ERCC3: variants seen among roughly 807,000 people sequenced by gnomAD.
The protein encoded by ERCC3 is general transcription and DNA repair factor IIH helicase/translocase subunit XPB.
ERCC3 carries 66 observed loss-of-function variants against 94.2 expected under a neutral mutation model. The observed-to-expected ratio is 0.70, with a 90% confidence interval of 0.57 to 0.86. ERCC3 has a LOEUF of 0.86. ERCC3 is among the 40% of genes least tolerant of loss of function. The pLI, the probability that ERCC3 is intolerant of heterozygous loss-of-function variation, is 0.00. For missense variants in ERCC3, 829 were observed against 987.1 expected (o/e 0.84, Z 2.15); for synonymous variants, 349 against 369.1 (o/e 0.95, Z 0.63).
At position 127,280,842 on chromosome 2, in the gene ERCC3, T is replaced by G; in HGVS notation, c.1343-211A>C. The stretch of plus-strand genomic sequence containing the variant: ...GCACCCAGCCTACACTGTCACTTTT[T>G]CAAATGCTCATAGCTGTGCAACTTA... On this transcript the variant is annotated intron_variant, in intron 8 of 14. Coordinates refer to ENST00000285398, the MANE Select transcript of ERCC3 (RefSeq NM_000122.2). The surrounding 1 kb of genome is among the most constrained non-coding windows in gnomAD (Gnocchi z 6.3). 1 of 591,856 alleles carries G rather than the reference T, an allele frequency of 1.7e-6. No homozygotes were observed. Among genetic ancestry groups the G allele is most frequent in the East Asian group, 2.8e-5 (1 of 35,964 alleles). 36.7% of individuals were successfully genotyped at this position (591,856 alleles called of 1,614,324 possible).
chr2:127,280,316 G>A lies in ERCC3; in HGVS notation c.1527+131C>T, dbSNP rs1339266004. 1 of 819,506 alleles carries A rather than the reference G, an allele frequency of 1.2e-6. No individual in the cohort carries two copies. Among genetic ancestry groups the A allele is most frequent in the Non-Finnish European group, 2.1e-6 (1 of 482,830 alleles). The allele number at this position is 819,506 out of a possible 1,614,324, so 50.8% of individuals were successfully genotyped here. A position where few individuals can be genotyped will look rare whatever the true frequency, so the allele number is the denominator to read the frequency against. Reference sequence around the variant, plus strand: ...ACCACCCAACCACAGGGTGACTGAGGATCCTGTATGAAGTGGTAGCAGGTG... The same window carrying A: ...ACCACCCAACCACAGGGTGACTGAGAATCCTGTATGAAGTGGTAGCAGGTG... On this transcript the variant is annotated intron_variant, in intron 9 of 14. Coordinates refer to ENST00000285398, the MANE Select transcript of ERCC3 (RefSeq NM_000122.2). This position sits in a 1 kb window ranked among gnomAD's most constrained non-coding sequence, Gnocchi z 6.3.
rs965660484 is a variant in ERCC3, at chr2:127,259,918, T to A, written c.2065-470A>T. On this transcript the variant is annotated intron_variant, in intron 13 of 14. Coordinates refer to ENST00000285398, the MANE Select transcript of ERCC3 (RefSeq NM_000122.2). This position sits in a 1 kb window ranked among gnomAD's most constrained non-coding sequence, Gnocchi z 4.9. ...ACGTGAAAATGAAAATGATAGGATA[T>A]CAGGAAGATTATTTATAGAGCTTCT... 1 of 243,666 alleles carries A rather than the reference T, an allele frequency of 4.1e-6. No individual in the cohort carries two copies. Among genetic ancestry groups the A allele is most frequent in the Non-Finnish European group, 8.1e-6 (1 of 123,024 alleles). 15.1% of individuals were successfully genotyped at this position (243,666 alleles called of 1,614,324 possible).
intron 12 of ERCC3, among the ~76,000 whole-genome samples, chr2:127,270,206 G>A (rs1658991467): frequency 6.6e-6 from 1 of 150,954 alleles, no homozygotes; most frequent in Admixed American, 6.6e-5. Context: ...TTTATTTTTT[G>A]TAGAGATGGG....
Position 127,280,017 on chromosome 2 carries a change from C to T in ERCC3, c.1527+430G>A, listed in dbSNP as rs1684858036. Among the ~76,000 whole-genome samples, 2 of 152,304 alleles carry T rather than the reference C, an allele frequency of 1.3e-5. No individual in the cohort carries two copies. Among genetic ancestry groups the T allele is most frequent in the Middle Eastern group, 3.4e-3 (1 of 294 alleles). On this transcript the variant is annotated intron_variant, in intron 9 of 14. Transcript: ENST00000285398. The surrounding 1 kb of genome is among the most constrained non-coding windows in gnomAD (Gnocchi z 6.3). Reference sequence around the variant, plus strand: ...TTCCACACACGAGTCAGCACTGCTACTGAGTACCGCCACCTCTTCACACAC... The same window carrying T: ...TTCCACACACGAGTCAGCACTGCTATTGAGTACCGCCACCTCTTCACACAC...
At chr2:127,261,180 C>T (rs960956037) in intron 13 of ERCC3, 48 bp downstream of exon 13, 1 of 1,104,774 alleles carries the variant, frequency 9.1e-7, no homozygotes, top group Admixed American at 1.7e-5. Context: ...GCCAGGGTAT[C>T]AAGAAGGCCT....
At chr2:127,278,887 G>A (rs1684819361) in intron 10 of ERCC3, among the ~76,000 whole-genome samples, 1 of 152,052 alleles carries the variant, frequency 6.6e-6, no homozygotes, top group African/African-American at 2.4e-5. Context: ...CCCACCTTTG[G>A]AGCCCAGATC....
intron 10 of ERCC3, among the ~76,000 whole-genome samples, chr2:127,275,202 CT>C (rs999485684): frequency 1.3e-5 from 2 of 151,208 alleles, no homozygotes; most frequent in African/African-American, 2.4e-5. Flanking sequence ...CACAGGATCA[CT>C]TTTTTTTTAA....
chr2:127,288,786 A>C lies in ERCC3; in HGVS notation c.901T>G (p.Ser301Ala), dbSNP rs753495508. The change falls in exon 7 of 15, where the codon TCT becomes GCT. Residue 301 changes from serine (S) to alanine (A), a missense_variant. Transcript: ENST00000285398. ...TCAATGTTGATATCAGGGTTGACAG[A>C]ATCATTCCGGAAGTCATATTCTGCC... ...LLAEYDFRND[S>A]VNPDINIDLK... 1.2e-6 allele frequency: 2 copies of C among 1,614,134 alleles called. No homozygotes were observed. Among genetic ancestry groups the C allele is most frequent in the Non-Finnish European group, 8.5e-7 (1 of 1,179,986 alleles).
At chr2:127,266,313 C>T (rs1295624323) in intron 12 of ERCC3, among the ~76,000 whole-genome samples, 2 of 138,466 alleles carry the variant, frequency 1.4e-5, no homozygotes, top group Non-Finnish European at 3.1e-5. Flanking sequence ...ATGATTTCGA[C>T]TTTTTTGAAT....
At chr2:127,273,272 C>T (rs896231045) in intron 10 of ERCC3, among the ~76,000 whole-genome samples, 7 of 152,116 alleles carry the variant, frequency 4.6e-5, no homozygotes, top group African/African-American at 1.7e-4. Context: ...AGGAGCATCT[C>T]CACATTTCAT....
At chr2:127,288,023 T>C (rs149944355) in intron 7 of ERCC3, among the ~76,000 whole-genome samples, 15 of 152,186 alleles carry the variant, frequency 9.9e-5, no homozygotes, top group African/African-American at 3.4e-4. Flanking sequence ...CCTTGGAGTT[T>C]TGGAAAAAAA....
chr2:127,293,406 G>T (rs1685345474), intron 2 of ERCC3, 107 bp downstream of exon 2: 1 of 1,060,226 alleles, frequency 9.4e-7, no homozygotes, highest in African/African-American at 1.6e-5. Flanking sequence ...CTCCCGGCCA[G>T]TTCTAGGGGC....
In ERCC3 at chr2:127,271,401, G is replaced by A; in HGVS notation, c.1880C>T (p.Ser627Leu). 1 of 1,614,176 alleles carries A rather than the reference G, an allele frequency of 6.2e-7. No homozygotes were observed. The highest frequency in any genetic ancestry group is 8.5e-7 in the Non-Finnish European group (1 of 1,180,032). The change falls in exon 12 of 15, where the codon TCA becomes TTA. Residue 627 changes from serine (S) to leucine (L), a missense_variant. Coordinates refer to ENST00000285398, the MANE Select transcript of ERCC3 (RefSeq NM_000122.2). This position sits in a 1 kb window ranked among gnomAD's most constrained non-coding sequence, Gnocchi z 5.0. ...CTGACGCCTGGAGCCACCATGGGAT[G>A]AGATCTGAATGAGGACATTTGCTTC... ...LPEANVLIQI[S>L]SHGGSRRQEA...
rs1684085572 is a variant in ERCC3 at position 127,258,368 on chromosome 2, G to A, written c.2218-641C>T. 6.6e-6 allele frequency among the ~76,000 whole-genome samples: 1 copy of A among 152,208 alleles called. No homozygotes were observed. Among genetic ancestry groups the A allele is most frequent in the African/African-American group, 2.4e-5 (1 of 41,438 alleles). On this transcript the variant is annotated intron_variant, in intron 14 of 14. Transcript: ENST00000285398. The surrounding 1 kb of genome is among the most constrained non-coding windows in gnomAD (Gnocchi z 4.1). ...GCTCCTCCTGTCCCTGAGTAACCCT[G>A]AGGCAAGTAATTAATGTCTGCACCT...
At position 127,280,648 on chromosome 2, in the gene ERCC3, A is replaced by G. The variant is rs2104762326; in HGVS notation, c.1343-17T>C. 1.2e-6 allele frequency: 2 copies of G among 1,607,144 alleles called. No homozygotes were observed. The highest frequency in any genetic ancestry group is 3.3e-5 in the Admixed American group (2 of 60,018). ...ACATCTTGGCTGAGGAAACAATGGG[A>G]GCATTCACACTGTCACTTTTCTTTC... is the stretch of plus-strand genomic sequence containing the variant. On this transcript the variant is annotated splice_polypyrimidine_tract_variant and intron_variant, in intron 8 of 14. Transcript: ENST00000285398. The surrounding 1 kb of genome is among the most constrained non-coding windows in gnomAD (Gnocchi z 6.3).
intron 10 of ERCC3, among the ~76,000 whole-genome samples, 199 bp downstream of exon 10, chr2:127,278,974 T>C (rs1684822689): frequency 6.6e-6 from 1 of 152,100 alleles, no homozygotes; most frequent in African/African-American, 2.4e-5. Flanking sequence ...GCCCCCCTTT[T>C]CTCTATGCTC....
In ERCC3 at chr2:127,288,784, A is replaced by T. The variant is rs1685166236; in HGVS notation, c.903T>A (p.Ser301=). The stretch of plus-strand genomic sequence containing the variant: ...GGTCAATGTTGATATCAGGGTTGAC[A>T]GAATCATTCCGGAAGTCATATTCTG... ...LLAEYDFRND[S]VNPDINIDLK... The change falls in exon 7 of 15, where the codon TCT becomes TCA. Residue 301 remains serine, a synonymous_variant. Coordinates refer to ENST00000285398, the MANE Select transcript of ERCC3 (RefSeq NM_000122.2). The T allele has an allele frequency of 6.2e-7, 1 of 1,614,116 alleles. No homozygotes were observed. The highest frequency in any genetic ancestry group is 8.5e-7 in the Non-Finnish European group (1 of 1,179,942).
Position 127,274,207 on chromosome 2 carries a change from C to T in ERCC3, c.1731-1246G>A, listed in dbSNP as rs1348752733. ...GTGGGCACCTATAATCCCAGCTACT[C>T]AGGAGGCTGAAGCAGGAGAATCACT... is the stretch of plus-strand genomic sequence containing the variant. On this transcript the variant is annotated intron_variant, in intron 10 of 14. Transcript: ENST00000285398. The surrounding 1 kb of genome is among the most constrained non-coding windows in gnomAD (Gnocchi z 4.0). Among the ~76,000 whole-genome samples, 3 of 151,344 alleles carry T rather than the reference C, an allele frequency of 2.0e-5. No individual in the cohort carries two copies. Among genetic ancestry groups the T allele is most frequent in the Non-Finnish European group, 4.4e-5 (3 of 67,922 alleles).
intron 12 of ERCC3, among the ~76,000 whole-genome samples, chr2:127,270,295 G>C (rs1397690642): frequency 6.6e-6 from 1 of 152,140 alleles, no homozygotes; most frequent in East Asian, 1.9e-4. Flanking sequence ...AAAGTGCTGG[G>C]ATTATAGGTG....
Sources: allele counts gnomAD v4.1 joint callset (sites outside exome capture counted in the v4.1 genomes callset), GRCh38; gene constraint gnomAD v4.1.1; non-coding constraint Gnocchi (gnomAD v3.1); transcripts MANE v1.5; gene names NCBI Gene and HGNC (gene_info 2026-07-23, HGNC 2026-07-21).